The following BACH2 variants were observed in gnomAD, a reference collection of about 807,000 sequenced individuals.
BACH2 encodes BACH transcriptional regulator 2.
BACH2 carries 5 observed loss-of-function variants against 61.8 expected under a neutral mutation model. That is an observed-to-expected ratio of 0.08 (90% confidence interval 0.04 to 0.17). The LOEUF (loss-of-function observed/expected upper bound fraction) is 0.17, where lower values mean the gene tolerates loss of function less well. Ranked by LOEUF, BACH2 falls within the 10% of genes least tolerant of loss-of-function variation. BACH2 has a pLI of 1.00. For synonymous variants in BACH2, 446 were observed against 440.1 expected (o/e 1.01, Z -0.17); for missense variants, 824 against 1,091.1 (o/e 0.76, Z 3.45).
rs575737397 is a variant in BACH2, at chr6:89,934,519, T to C, written c.2044-1629A>G. 1.4e-4 allele frequency among the ~76,000 whole-genome samples: 22 copies of C among 151,882 alleles called. No individual in the cohort carries two copies. In the South Asian group the frequency reaches 4.4e-3, roughly 30 times the overall value. ...CTAAAAATACAAAAAATTAGCTGGG[T>C]GTGTTGGTGCGTGCTTATAATCCCA... On this transcript the variant is annotated intron_variant, in intron 8 of 8. Coordinates refer to ENST00000257749, the MANE Select transcript of BACH2 (RefSeq NM_021813.4).
At chr6:90,061,246 A>G (rs1442362322) in intron 5 of BACH2, among the ~76,000 whole-genome samples, 1 of 152,188 alleles carries the variant, frequency 6.6e-6, no homozygotes, top group African/African-American at 2.4e-5. Flanking sequence ...CAGAGGAGAC[A>G]GAAAGAGGTG....
intron 1 of BACH2, among the ~76,000 whole-genome samples, chr6:90,296,227 A>T (rs1772376579): frequency 6.6e-6 from 1 of 151,946 alleles, no homozygotes; most frequent in African/African-American, 2.4e-5. Context: ...GCCGCCGTAA[A>T]CAGCCGGGAG....
chr6:90,138,091 GTCTCTCTC>G (rs148368802), intron 4 of BACH2, among the ~76,000 whole-genome samples: 1 of 126,344 alleles, frequency 7.9e-6, no homozygotes, highest in Admixed American at 7.9e-5. Flanking sequence ...CACACACACA[GTCTCTCTC>G]TCTCTCCCTC....
chr6:90,255,728 A>T (rs1333375303), intron 2 of BACH2, among the ~76,000 whole-genome samples: 1 of 152,232 alleles, frequency 6.6e-6, no homozygotes, highest in Non-Finnish European at 1.5e-5. Flanking sequence ...ATTCATTTGT[A>T]TTAGAGAAAA....
At chr6:90,269,391 T>C (rs1018941198) in intron 2 of BACH2, among the ~76,000 whole-genome samples, 5 of 152,126 alleles carry the variant, frequency 3.3e-5, no homozygotes, top group African/African-American at 1.2e-4. Context: ...AGTCCAAAAG[T>C]AAAAAATATC....
At chr6:90,177,827 T>C (rs1345001220) in intron 4 of BACH2, among the ~76,000 whole-genome samples, 1 of 152,142 alleles carries the variant, frequency 6.6e-6, no homozygotes, top group Non-Finnish European at 1.5e-5. Context: ...CTTAAGGACC[T>C]CTAAAGCTGA....
intron 4 of BACH2, among the ~76,000 whole-genome samples, chr6:90,191,589 T>C (rs1191755149): frequency 2.0e-5 from 3 of 152,206 alleles, no homozygotes; most frequent in Non-Finnish European, 2.9e-5. Flanking sequence ...GTCACTAAGA[T>C]CCAAATTCAA....
intron 6 of BACH2, among the ~76,000 whole-genome samples, chr6:89,960,993 C>T (rs1461191109): frequency 6.6e-6 from 1 of 152,166 alleles, no homozygotes; most frequent in African/African-American, 2.4e-5. Context: ...TGAGAACTGG[C>T]GACACCTTGG....
chr6:90,243,109 G>A (rs866413871), intron 3 of BACH2, among the ~76,000 whole-genome samples: 10 of 141,228 alleles, frequency 7.1e-5, no homozygotes, highest in Middle Eastern at 3.9e-3. Flanking sequence ...GGTCAGGCTG[G>A]TCTTGAACTC....
chr6:90,218,922 T>C (rs774124014), intron 3 of BACH2, among the ~76,000 whole-genome samples: 1 of 118,770 alleles, frequency 8.4e-6, no homozygotes, highest in South Asian at 2.5e-4. Flanking sequence ...TTCCTTTCCG[T>C]GTGTGTGTGT....
rs761863875 is a variant in BACH2, at chr6:89,938,133, G to A, written c.2043+11C>T. ...TTCAGGTTGCTGATCACAATGGATG[G>A]GTCAACTCACCAATTTGCGGATTTC... On this transcript the variant is annotated intron_variant, in intron 8 of 8. Coordinates refer to ENST00000257749, the MANE Select transcript of BACH2 (RefSeq NM_021813.4). 5.0e-6 allele frequency: 8 copies of A among 1,610,912 alleles called. No individual in the cohort carries two copies. The South Asian group carries it at 5.5e-5, about 11-fold the overall frequency.
chr6:90,125,100 G>T (rs1428267819), intron 4 of BACH2, among the ~76,000 whole-genome samples: 1 of 151,890 alleles, frequency 6.6e-6, no homozygotes, highest in African/African-American at 2.4e-5. Context: ...AGTTATAAAA[G>T]AATCTGTGGA....
At chr6:90,057,576 A>G (rs1331948678) in intron 5 of BACH2, among the ~76,000 whole-genome samples, 1 of 152,224 alleles carries the variant, frequency 6.6e-6, no homozygotes, top group South Asian at 2.1e-4. Context: ...TCCTTCTGAA[A>G]CTATTCCAAT....
At chr6:90,170,049 A>C (rs910022052) in intron 4 of BACH2, among the ~76,000 whole-genome samples, 1 of 152,158 alleles carries the variant, frequency 6.6e-6, no homozygotes, top group Non-Finnish European at 1.5e-5. Context: ...TTCTTACTAA[A>C]CAAGTGTCCA....
intron 5 of BACH2, among the ~76,000 whole-genome samples, chr6:90,063,353 T>C (rs990571970): frequency 6.6e-6 from 1 of 152,194 alleles, no homozygotes; most frequent in African/African-American, 2.4e-5. Context: ...TAATTTTTCC[T>C]AAGAAGCATG....
intron 1 of BACH2, among the ~76,000 whole-genome samples, chr6:90,293,197 C>A (rs943080957): frequency 1.3e-5 from 2 of 152,150 alleles, no homozygotes; most frequent in Non-Finnish European, 2.9e-5. Context: ...TGGCTCTCAC[C>A]CCCTGGACAC....
At chr6:90,063,892 T>C (rs984519264) in intron 5 of BACH2, among the ~76,000 whole-genome samples, 3 of 152,196 alleles carry the variant, frequency 2.0e-5, no homozygotes, top group Non-Finnish European at 4.4e-5. Flanking sequence ...TAAGGATATA[T>C]CTTATAGTTG....
At chr6:90,228,695 C>T (rs1338691157) in intron 3 of BACH2, among the ~76,000 whole-genome samples, 1 of 152,126 alleles carries the variant, frequency 6.6e-6, no homozygotes, top group African/African-American at 2.4e-5. Context: ...GCCGAGATGG[C>T]ACCACTGCAC....
chr6:90,183,521 A>G (rs1768238691), intron 4 of BACH2, among the ~76,000 whole-genome samples: 1 of 152,240 alleles, frequency 6.6e-6, no homozygotes, highest in Non-Finnish European at 1.5e-5. Context: ...ATGCTTGTCA[A>G]TAACCGTGAA....
Sources: gnomAD v4.1 joint callset for allele counts (sites outside exome capture counted in the v4.1 genomes callset) on GRCh38, gnomAD v4.1.1 for gene constraint, MANE v1.5 for transcripts, NCBI Gene and HGNC (gene_info 2026-07-23, HGNC 2026-07-21) for gene names.